The following CCDC60 variants were observed in gnomAD, a reference collection of about 807,000 sequenced individuals.
CCDC60 encodes coiled-coil domain containing 60, also known as coiled-coil domain-containing protein 60.
A neutral mutation model predicts 63.5 loss-of-function variants in CCDC60; 54 were observed. The observed-to-expected ratio is 0.85, with a 90% CI of 0.68 to 1.07. The LOEUF is 1.07. Among genes scored for constraint, CCDC60 ranks in the 50% least tolerant of loss-of-function variants. The probability of loss-of-function intolerance (pLI) is 0.00; values close to 1 mark genes in which losing one functional copy is unlikely to be tolerated. For missense variants in CCDC60, 651 were observed against 684.3 expected (o/e 0.95, Z 0.54); for synonymous variants, 206 against 238.8 (o/e 0.86, Z 1.27).
chr12:119,538,185 A>G (rs1265375273), intron 13 of CCDC60, among the ~76,000 whole-genome samples: 1 of 152,210 alleles, frequency 6.6e-6, no homozygotes, highest in Non-Finnish European at 1.5e-5. Flanking sequence ...CTGCTGCACT[A>G]GCAGTGAGCA....
At chr12:119,471,802 C>G (rs1009480261) in intron 2 of CCDC60, among the ~76,000 whole-genome samples, 192 bp from the exon 3 acceptor site, 20 of 151,792 alleles carry the variant, frequency 1.3e-4, no homozygotes, top group African/African-American at 4.8e-4. Context: ...CCCTCTCTCT[C>G]TCTCTCTTTC....
At chr12:119,423,257 T>A (rs1232731916) in intron 1 of CCDC60, among the ~76,000 whole-genome samples, 1 of 152,184 alleles carries the variant, frequency 6.6e-6, no homozygotes, top group East Asian at 1.9e-4. Flanking sequence ...ACCTCAGGCA[T>A]AAGATCAAAA....
intron 8 of CCDC60, among the ~76,000 whole-genome samples, chr12:119,519,458 T>G (rs1486625485): frequency 7.8e-6 from 1 of 128,696 alleles, no homozygotes; most frequent in African/African-American, 3.3e-5. Flanking sequence ...TGTGTATATA[T>G]ATATATATAT....
intron 1 of CCDC60, among the ~76,000 whole-genome samples, chr12:119,368,094 A>G (rs1955860633): frequency 7.2e-6 from 1 of 139,746 alleles, no homozygotes; most frequent in African/African-American, 2.6e-5. Flanking sequence ...GAGGGGGAGG[A>G]GGAGGGAAGG....
At chr12:119,487,338 C>T (rs1480128888) in intron 4 of CCDC60, among the ~76,000 whole-genome samples, 6 of 151,348 alleles carry the variant, frequency 4.0e-5, no homozygotes, top group Non-Finnish European at 8.8e-5. Context: ...TGCTCTGTCA[C>T]CCAGGCTGGA....
At chr12:119,499,955 G>T in intron 5 of CCDC60, 123 bp from the exon 6 acceptor site, 3 of 757,860 alleles carry the variant, frequency 4.0e-6, no homozygotes, top group South Asian at 3.0e-5. Context: ...GTAGAGGAGT[G>T]GGGGAGGAAA....
intron 1 of CCDC60, among the ~76,000 whole-genome samples, chr12:119,366,812 A>G (rs1042747698): frequency 2.0e-5 from 3 of 152,168 alleles, no homozygotes; most frequent in Non-Finnish European, 2.9e-5. Context: ...AAGTAAGAAC[A>G]GAAGGAACAG....
At chr12:119,527,769 TG>T in intron 11 of CCDC60, among the ~76,000 whole-genome samples, 1 of 147,128 alleles carries the variant, frequency 6.8e-6, no homozygotes, top group East Asian at 2.1e-4. Context: ...CTCCGCCTCC[TG>T]GGTTCACGCC....
At chr12:119,405,316 A>T in intron 1 of CCDC60, among the ~76,000 whole-genome samples, 1 of 152,252 alleles carries the variant, frequency 6.6e-6, no homozygotes. Flanking sequence ...AATTAAGGAG[A>T]TAATTCTTAC....
intron 1 of CCDC60, among the ~76,000 whole-genome samples, chr12:119,383,369 G>T (rs572869467): frequency 5.3e-5 from 8 of 152,132 alleles, no homozygotes; most frequent in Non-Finnish European, 7.4e-5. Flanking sequence ...AAGCTATACC[G>T]ACCACATGGT....
intron 7 of CCDC60, among the ~76,000 whole-genome samples, chr12:119,511,396 A>G (rs990106285): frequency 2.6e-5 from 4 of 152,212 alleles, no homozygotes; most frequent in African/African-American, 4.8e-5. Context: ...CCCCTCCCCA[A>G]ATCAATGGCA....
chr12:119,455,776 T>A (rs1327693693), intron 2 of CCDC60, among the ~76,000 whole-genome samples: 403 of 81,900 alleles, frequency 4.9e-3, no homozygotes, highest in South Asian at 9.9e-3. Context: ...AAAGAAAGAG[T>A]GAAAGAAAGA....
In CCDC60 at chr12:119,487,822, A is replaced by C. The variant is rs191986710; in HGVS notation, c.450-937A>C. On this transcript the variant is annotated intron_variant, in intron 4 of 13. Transcript: ENST00000327554. Reference sequence around the variant, plus strand: ...GTGTTTAATACAAAGTGTCCAAAAAATCAGAAAATGTAGGTGAGACATATG... The same window carrying C: ...GTGTTTAATACAAAGTGTCCAAAAACTCAGAAAATGTAGGTGAGACATATG... Among the ~76,000 whole-genome samples, 131 of 152,238 alleles carry C rather than the reference A, an allele frequency of 8.6e-4. 1 individual carries two copies. Among genetic ancestry groups the C allele is most frequent in the African/African-American group, 3.0e-3 (125 of 41,518 alleles).
At chr12:119,451,472 C>T (rs113414322) in intron 2 of CCDC60, among the ~76,000 whole-genome samples, 3,356 of 143,222 alleles carry the variant, frequency 0.023, 127 homozygotes, top group African/African-American at 0.079. Flanking sequence ...CCTCTCTGGG[C>T]CTCAGTTTCC....
chr12:119,437,104 C>T (rs1056671223), intron 2 of CCDC60, among the ~76,000 whole-genome samples: 1 of 152,166 alleles, frequency 6.6e-6, no homozygotes, highest in African/African-American at 2.4e-5. Flanking sequence ...CCCACCAGCC[C>T]TATTTCTTGG....
At chr12:119,390,558 T>A (rs1209927610) in intron 1 of CCDC60, among the ~76,000 whole-genome samples, 1 of 152,224 alleles carries the variant, frequency 6.6e-6, no homozygotes, top group Non-Finnish European at 1.5e-5. Context: ...TGAATGTGGA[T>A]GGACCCCTCA....
chr12:119,434,719 G>C (rs1187164544), intron 2 of CCDC60, among the ~76,000 whole-genome samples: 4 of 152,138 alleles, frequency 2.6e-5, no homozygotes, highest in Non-Finnish European at 4.4e-5. Flanking sequence ...TAAATGAATG[G>C]GTACCAAAGT....
chr12:119,532,513 T>C (rs1048506514), intron 13 of CCDC60, among the ~76,000 whole-genome samples: 1 of 151,842 alleles, frequency 6.6e-6, no homozygotes, highest in Admixed American at 6.6e-5. Flanking sequence ...GGTGGTTTTC[T>C]GCACCCATCA....
intron 1 of CCDC60, among the ~76,000 whole-genome samples, chr12:119,343,215 G>A (rs368634097): frequency 6.6e-6 from 1 of 152,032 alleles, no homozygotes; most frequent in South Asian, 2.1e-4. Flanking sequence ...AATTTCTTGC[G>A]GGGCTCAATT....
Sources: allele counts gnomAD v4.1 joint callset (sites outside exome capture counted in the v4.1 genomes callset), GRCh38; gene constraint gnomAD v4.1.1; transcripts MANE v1.5; gene names NCBI Gene and HGNC (gene_info 2026-07-23, HGNC 2026-07-21).